The following ZNF362 variants were observed in gnomAD, a reference collection of about 807,000 sequenced individuals.
The protein encoded by ZNF362 is zinc finger protein 362, also known as rotund homolog.
ZNF362 carries 11 observed loss-of-function variants against 42.9 expected under a neutral mutation model. The ratio of observed to expected loss-of-function variants is 0.26; its 90% CI spans 0.16 to 0.42. The LOEUF (loss-of-function observed/expected upper bound fraction) is 0.42. Among genes scored for constraint, ZNF362 ranks in the 20% least tolerant of loss-of-function variants. The pLI, the probability that ZNF362 is intolerant of heterozygous loss-of-function variation, is 1.00. For synonymous variants in ZNF362, 255 were observed against 257.3 expected (o/e 0.99, Z 0.09); for missense variants, 362 against 576.2 (o/e 0.63, Z 3.81).
At chr1:33,134,104 T>C in the ZNF362 span, among the ~76,000 whole-genome samples, 1 of 152,216 alleles carries the variant, frequency 6.6e-6, no homozygotes, top group Non-Finnish European at 1.5e-5. Flanking sequence ...GCTATCCATG[T>C]GCTTCCCCAC....
At chr1:33,228,901 A>C in the ZNF362 span, among the ~76,000 whole-genome samples, 1 of 152,280 alleles carries the variant, frequency 6.6e-6, no homozygotes, top group East Asian at 1.9e-4. Context: ...GCAATGGCTA[A>C]CAAACTTCAT....
At chr1:33,297,079 C>CT (rs1646130182) in intron 8 of ZNF362, among the ~76,000 whole-genome samples, 1 of 152,070 alleles carries the variant, frequency 6.6e-6, no homozygotes, top group Admixed American at 6.5e-5. Flanking sequence ...TTGCTAAGTG[C>CT]TGAGTCTGTA....
At chr1:33,272,830 C>T (rs1645914237) in intron 2 of ZNF362, among the ~76,000 whole-genome samples, 1 of 152,256 alleles carries the variant, frequency 6.6e-6, no homozygotes. Flanking sequence ...GTCTGCAGCT[C>T]TCTTTGGTGT....
At chr1:33,236,531 T>TAAAA in the ZNF362 span, among the ~76,000 whole-genome samples, 31 of 4,194 alleles carry the variant, frequency 7.4e-3, 3 homozygotes, top group Admixed American at 0.031. Context: ...CTCTGCCTCT[T>TAAAA]AAAAAAAAAA....
chr1:33,269,741 C>T lies in ZNF362; in HGVS notation c.-88-746C>T, dbSNP rs768870059. On this transcript the variant is annotated intron_variant, in intron 1 of 8. Coordinates refer to ENST00000539719, the MANE Select transcript of ZNF362 (RefSeq NM_152493.3). ...TTAATGTCTGTGGGTTGGGCTGGGG[C>T]GGGGGTTGGGGGATGGCCGTAAGTT... Among the ~76,000 whole-genome samples the T allele has an allele frequency of 6.6e-4, 100 of 151,936 alleles. 1 individual carries two copies. The highest frequency in any genetic ancestry group is 1.3e-3 in the Non-Finnish European group (85 of 67,950).
the ZNF362 span, chr1:33,141,962 C>T: frequency 2.6e-5 from 4 of 153,038 alleles, no homozygotes; most frequent in African/African-American, 9.6e-5. Context: ...CCCCTCCCCT[C>T]TCCTACTTTT....
Position 33,281,947 on chromosome 1 carries a change from C to A in ZNF362, c.908+136C>A. On this transcript the variant is annotated intron_variant, in intron 6 of 8. Coordinates refer to ENST00000539719, the MANE Select transcript of ZNF362 (RefSeq NM_152493.3). The surrounding 1 kb of genome is among the most constrained non-coding windows in gnomAD (Gnocchi z 4.8). ...CCCTCGGGGTCACGGCCCTTGTGGA[C>A]CTCACTGGCCTCAGCTGTTGTTACT... The A allele has an allele frequency of 2.6e-6, 2 of 774,446 alleles. No individual in the cohort carries two copies. Among genetic ancestry groups the A allele is most frequent in the East Asian group, 5.3e-5 (2 of 37,672 alleles). The allele number at this position is 774,446 out of a possible 1,614,324, so 48.0% of individuals were successfully genotyped here.
At chr1:33,291,660 T>C (rs1301005250) in intron 6 of ZNF362, among the ~76,000 whole-genome samples, 1 of 152,234 alleles carries the variant, frequency 6.6e-6, no homozygotes, top group Non-Finnish European at 1.5e-5. Flanking sequence ...TTGGGCAGTA[T>C]GGCCATTTTC....
At chr1:33,297,513 CTTT>C (rs55931056) in intron 8 of ZNF362, among the ~76,000 whole-genome samples, 1,383 of 121,022 alleles carry the variant, frequency 0.011, 24 homozygotes, top group Non-Finnish European at 0.017. Context: ...CATGATTCCT[CTTT>C]TTTTTTTTTT....
the ZNF362 span, among the ~76,000 whole-genome samples, chr1:33,184,291 TC>T: frequency 2.1e-4 from 32 of 152,132 alleles, no homozygotes; most frequent in African/African-American, 7.7e-4. Flanking sequence ...TATATTATTA[TC>T]CCCGTTTTAT....
At chr1:33,282,761 G>C (rs1026112609) in intron 6 of ZNF362, among the ~76,000 whole-genome samples, 1 of 151,398 alleles carries the variant, frequency 6.6e-6, no homozygotes, top group Non-Finnish European at 1.5e-5. Flanking sequence ...GATGGAGGCT[G>C]CAGTGAGCCG....
At chr1:33,178,240 GC>G in the ZNF362 span, among the ~76,000 whole-genome samples, 1 of 152,196 alleles carries the variant, frequency 6.6e-6, no homozygotes, top group South Asian at 2.1e-4. Context: ...CTGCAGAAGG[GC>G]CCCAGCTCCA....
chr1:33,238,363 TAATAA>T, the ZNF362 span, among the ~76,000 whole-genome samples: 25 of 71,698 alleles, frequency 3.5e-4, no homozygotes, highest in African/African-American at 1.4e-3. Context: ...TAAAATAAAA[TAATAA>T]AATAAAATAA....
At chr1:33,147,110 T>C in the ZNF362 span, 1 of 1,550,522 alleles carries the variant, frequency 6.4e-7, no homozygotes. This position sits in a 1 kb window ranked among gnomAD's most constrained non-coding sequence, Gnocchi z 8.1. Flanking sequence ...CCAGGTCTTC[T>C]ATCTCCTGGG....
intron 8 of ZNF362, among the ~76,000 whole-genome samples, chr1:33,296,026 G>A (rs958830606): frequency 3.3e-5 from 5 of 152,300 alleles, no homozygotes; most frequent in Middle Eastern, 3.4e-3. Flanking sequence ...CCTGGTGCTC[G>A]GGCATTGGGA....
At chr1:33,274,448 G>A (rs773147942) in intron 2 of ZNF362, among the ~76,000 whole-genome samples, 5 of 152,222 alleles carry the variant, frequency 3.3e-5, no homozygotes, top group Admixed American at 2.0e-4. Flanking sequence ...GAAAGGATAT[G>A]TCCCAGGGGT....
chr1:33,165,209 A>G, the ZNF362 span: 3 of 347,630 alleles, frequency 8.6e-6, no homozygotes, highest in Admixed American at 9.5e-5. This position sits in a 1 kb window ranked among gnomAD's most constrained non-coding sequence, Gnocchi z 4.0. Context: ...CAAAGTGGGA[A>G]GGGAGAAATG....
rs747636450 is a variant in ZNF362, at chr1:33,276,133, C to A, written c.72C>A (p.Phe24Leu). The A allele has an allele frequency of 1.9e-6, 3 of 1,614,016 alleles. 1 individual carries two copies. In the South Asian group the frequency reaches 3.3e-5, roughly 18 times the overall value. Residue 24 changes from phenylalanine (F) to leucine (L), a missense_variant, in exon 3 of 9, where the codon TTC (phenylalanine) becomes TTA (leucine). Transcript: ENST00000539719. Reference sequence around the variant, plus strand: ...AGCCTCGATTTAACAACCCCTACTTCTGGCCCCCTCCTCCCACCATGCCCA... The same window carrying A: ...AGCCTCGATTTAACAACCCCTACTTATGGCCCCCTCCTCCCACCATGCCCA... ...MAEPRFNNPY[F>L]WPPPPTMPSQ...
At chr1:33,209,820 C>T in the ZNF362 span, among the ~76,000 whole-genome samples, 3 of 152,024 alleles carry the variant, frequency 2.0e-5, no homozygotes, top group Non-Finnish European at 4.4e-5. Context: ...CTCTTTTCTT[C>T]TTTATTAGTC....
Sources: gnomAD v4.1 joint callset for allele counts (sites outside exome capture counted in the v4.1 genomes callset) on GRCh38, gnomAD v4.1.1 for gene constraint, Gnocchi (gnomAD v3.1) non-coding constraint, MANE v1.5 for transcripts, NCBI Gene and HGNC (gene_info 2026-07-23, HGNC 2026-07-21) for gene names.